The following PDSS2 variants were observed in gnomAD, a reference collection of about 807,000 sequenced individuals.
PDSS2 encodes decaprenyl diphosphate synthase subunit 2, also known as all trans-polyprenyl-diphosphate synthase PDSS2.
PDSS2 carries 31 observed loss-of-function variants against 44.5 expected under a neutral mutation model. That is an observed-to-expected ratio of 0.70 (90% CI 0.52 to 0.94). The LOEUF (loss-of-function observed/expected upper bound fraction) is 0.94. Ranked by LOEUF, PDSS2 falls within the 40% of genes least tolerant of loss-of-function variation. PDSS2 has a pLI of 0.00. For synonymous variants in PDSS2, 157 were observed against 180.3 expected, an observed-to-expected ratio of 0.87 and a Z score of 1.03; for missense variants, 452 against 482.2, an observed-to-expected ratio of 0.94 and a Z score of 0.59.
At chr6:107,396,892 G>A (rs934864015) in intron 1 of PDSS2, among the ~76,000 whole-genome samples, 1 of 151,622 alleles carries the variant, frequency 6.6e-6, no homozygotes. Flanking sequence ...AGGGTCTCAA[G>A]ATGTTACCCA....
At chr6:107,373,818 G>A (rs1779199469) in intron 1 of PDSS2, among the ~76,000 whole-genome samples, 1 of 152,164 alleles carries the variant, frequency 6.6e-6, no homozygotes, top group Non-Finnish European at 1.5e-5. Context: ...GATTATAGAT[G>A]AAGTACAACA....
At position 107,155,036 on chromosome 6, in the gene PDSS2, C is replaced by T. The variant is rs964735899; in HGVS notation, c.1042-259G>A. On this transcript the variant is annotated intron_variant, in intron 7 of 7. Coordinates refer to ENST00000369037, the MANE Select transcript of PDSS2 (RefSeq NM_020381.4). ...AGCTTAATTACAGCTCCTCCTGACT[C>T]CCATCCCTTAATATCTTGAAATGTG... 4.5e-4 allele frequency among the ~76,000 whole-genome samples: 68 copies of T among 152,144 alleles called. 1 individual carries two copies. Among genetic ancestry groups the T allele is most frequent in the Middle Eastern group, 3.2e-3 (1 of 316 alleles).
chr6:107,155,142 CT>C (rs67631229), intron 7 of PDSS2, among the ~76,000 whole-genome samples: 68,207 of 140,538 alleles, frequency 0.49, 16,973 homozygotes, highest in Non-Finnish European at 0.57. Context: ...ATATTCTTCC[CT>C]TTTTTTTTTT....
rs192431601 is a variant in PDSS2, at chr6:107,170,508, C to T, written c.1042-15731G>A. Among the ~76,000 whole-genome samples, 538 of 152,170 alleles carry T rather than the reference C, an allele frequency of 3.5e-3. 1 individual carries two copies. Among genetic ancestry groups the T allele is most frequent in the African/African-American group, 0.012 (484 of 41,510 alleles). ...CTGACAAGCCCCAGTGAGATGAACC[C>T]GGTACCTCAGTTGGAAATGCAGAAA... On this transcript the variant is annotated intron_variant, in intron 7 of 7. Coordinates refer to ENST00000369037, the MANE Select transcript of PDSS2 (RefSeq NM_020381.4).
At chr6:107,408,200 T>C (rs574674100) in intron 1 of PDSS2, among the ~76,000 whole-genome samples, 26 of 152,106 alleles carry the variant, frequency 1.7e-4, no homozygotes, top group Admixed American at 1.6e-3. Flanking sequence ...CGGCTAATTT[T>C]TGTATTTTTA....
At chr6:107,260,645 G>A (rs1393459760) in intron 3 of PDSS2, among the ~76,000 whole-genome samples, 1 of 148,586 alleles carries the variant, frequency 6.7e-6, no homozygotes, top group African/African-American at 2.5e-5. Context: ...AATTAAATCA[G>A]TCTTCCCCCT....
At chr6:107,225,531 C>T (rs891425031) in intron 4 of PDSS2, among the ~76,000 whole-genome samples, 1 of 151,994 alleles carries the variant, frequency 6.6e-6, no homozygotes, top group South Asian at 2.1e-4. Flanking sequence ...CACAGATCAA[C>T]TCTAGTACAA....
intron 7 of PDSS2, among the ~76,000 whole-genome samples, chr6:107,163,625 C>T (rs551983303): frequency 8.0e-5 from 12 of 149,398 alleles, no homozygotes; most frequent in East Asian, 2.0e-4. Context: ...TTTTTTGAGA[C>T]GGAGTCTTGC....
In PDSS2 at chr6:107,424,042, T is replaced by A. The variant is rs1381164505; in HGVS notation, c.296+34948A>T. 3.2e-4 allele frequency among the ~76,000 whole-genome samples: 42 copies of A among 129,466 alleles called. 1 individual carries two copies. The highest frequency in any genetic ancestry group is 9.7e-4 in the African/African-American group (36 of 37,114). 84.9% of individuals were successfully genotyped at this position (129,466 alleles called of 152,430 possible). A position where few individuals can be genotyped will look rare whatever the true frequency, so the allele number is the denominator to read the frequency against. ...GATTATTTTTATCTTGCATCTTTTTTTTTTTTTTTTTTTTTTTGGGACAGG... is the reference window on the plus strand; with the variant it reads ...GATTATTTTTATCTTGCATCTTTTTATTTTTTTTTTTTTTTTTGGGACAGG... On this transcript the variant is annotated intron_variant, in intron 1 of 7. Coordinates refer to ENST00000369037, the MANE Select transcript of PDSS2 (RefSeq NM_020381.4).
At chr6:107,232,673 T>A (rs1362223661) in intron 4 of PDSS2, among the ~76,000 whole-genome samples, 1 of 152,212 alleles carries the variant, frequency 6.6e-6, no homozygotes, top group Non-Finnish European at 1.5e-5. Context: ...TCCACTGAGA[T>A]GTGAGCTCCA....
chr6:107,185,722 C>T (rs189685052), intron 7 of PDSS2, among the ~76,000 whole-genome samples: 29 of 152,222 alleles, frequency 1.9e-4, no homozygotes, highest in Non-Finnish European at 2.8e-4. Flanking sequence ...GAATGTGGTC[C>T]GAGAGCCTTC....
chr6:107,422,097 A>C (rs1780844303), intron 1 of PDSS2, among the ~76,000 whole-genome samples: 2 of 151,644 alleles, frequency 1.3e-5, no homozygotes, highest in South Asian at 4.1e-4. Flanking sequence ...AAAAAAAAAA[A>C]AAAAACTTAA....
At chr6:107,219,015 G>A (rs1025233875) in intron 4 of PDSS2, among the ~76,000 whole-genome samples, 42 of 150,224 alleles carry the variant, frequency 2.8e-4, no homozygotes, top group African/African-American at 9.6e-4. Flanking sequence ...CCGACATCAC[G>A]CCATTGCACT....
intron 2 of PDSS2, among the ~76,000 whole-genome samples, chr6:107,292,278 T>A (rs557053696): frequency 6.6e-6 from 1 of 152,012 alleles, no homozygotes; most frequent in Non-Finnish European, 1.5e-5. Flanking sequence ...GTGCTGTAAT[T>A]TAGAACTACT....
At chr6:107,269,889 A>C (rs543956082) in intron 3 of PDSS2, among the ~76,000 whole-genome samples, 1 of 151,930 alleles carries the variant, frequency 6.6e-6, no homozygotes, top group African/African-American at 2.4e-5. Context: ...CTGGTCTCAG[A>C]CTCCTGACCT....
chr6:107,263,560 A>G (rs1043742761), intron 3 of PDSS2, among the ~76,000 whole-genome samples: 4 of 152,166 alleles, frequency 2.6e-5, no homozygotes, highest in Non-Finnish European at 1.5e-5. Context: ...AGAAATGTCA[A>G]TTTCACCTGA....
At chr6:107,229,861 G>T (rs1773978691) in intron 4 of PDSS2, 1 of 178,252 alleles carries the variant, frequency 5.6e-6, no homozygotes. Flanking sequence ...TCCTTGGAGG[G>T]CAACAGTACC....
chr6:107,169,093 C>T (rs1554248070), intron 7 of PDSS2, among the ~76,000 whole-genome samples: 1 of 151,992 alleles, frequency 6.6e-6, no homozygotes, highest in Non-Finnish European at 1.5e-5. Context: ...GTTCCATTTT[C>T]CCTGTCACTT....
At chr6:107,176,348 G>A (rs1200097632) in intron 7 of PDSS2, among the ~76,000 whole-genome samples, 3 of 151,592 alleles carry the variant, frequency 2.0e-5, no homozygotes, top group Non-Finnish European at 2.9e-5. Context: ...GCCAAAACAT[G>A]TCTATTTTTG....
Sources: gnomAD v4.1 joint callset for allele counts (sites outside exome capture counted in the v4.1 genomes callset) on GRCh38, gnomAD v4.1.1 for gene constraint, MANE v1.5 for transcripts, NCBI Gene and HGNC (gene_info 2026-07-23, HGNC 2026-07-21) for gene names.